Variants in CCSER2 observed in about 807,000 individuals in gnomAD.
CCSER2 encodes serine-rich coiled-coil domain-containing protein 2.
CCSER2 carries 46 observed loss-of-function variants against 92.3 expected under a neutral mutation model. The observed-to-expected ratio is 0.50, with a 90% CI of 0.39 to 0.64. The LOEUF is 0.64. CCSER2 is among the 30% of genes least tolerant of loss of function. The pLI, the probability that CCSER2 is intolerant of heterozygous loss-of-function variation, is 0.00. For synonymous variants in CCSER2, 433 were observed against 431.4 expected, an observed-to-expected ratio of 1.00 and a Z score of -0.04; for missense variants, 1,244 against 1,238.9, an observed-to-expected ratio of 1.00 and a Z score of -0.06.
At chr10:84,332,436 A>ATATATTTT (rs1401635246) in intron 1 of CCSER2, among the ~76,000 whole-genome samples, 58 of 55,208 alleles carry the variant, frequency 1.1e-3, no homozygotes, top group East Asian at 3.8e-3. Flanking sequence ...ATATATATAT[A>ATATATTTT]TTTTTTTTTT....
chr10:84,509,057 T>C (rs1327742300), intron 9 of CCSER2, among the ~76,000 whole-genome samples: 7 of 152,234 alleles, frequency 4.6e-5, no homozygotes, highest in Non-Finnish European at 5.9e-5. Context: ...GAGGTACTTA[T>C]GTATAACATG....
intron 3 of CCSER2, among the ~76,000 whole-genome samples, chr10:84,400,344 G>GT (rs1842053830): frequency 6.6e-6 from 1 of 151,986 alleles, no homozygotes; most frequent in African/African-American, 2.4e-5. Context: ...GTTTCGTTTT[G>GT]TTTTTTAAAA....
intron 9 of CCSER2, among the ~76,000 whole-genome samples, chr10:84,505,931 AAT>A (rs1849016708): frequency 1.3e-5 from 2 of 152,050 alleles, no homozygotes; most frequent in African/African-American, 4.8e-5. Context: ...ACTCTGGATA[AAT>A]ATACTGTGTC....
chr10:84,396,382 T>C (rs1692310497), intron 3 of CCSER2, among the ~76,000 whole-genome samples: 1 of 151,630 alleles, frequency 6.6e-6, no homozygotes, highest in Non-Finnish European at 1.5e-5. Flanking sequence ...AATATTTGTT[T>C]AGCATTTTTT....
chr10:84,354,449 T>A (rs555196015), intron 1 of CCSER2, among the ~76,000 whole-genome samples: 1 of 152,284 alleles, frequency 6.6e-6, no homozygotes, highest in East Asian at 1.9e-4. Context: ...ATATGTGGAA[T>A]TTGACACTAC....
intron 1 of CCSER2, among the ~76,000 whole-genome samples, chr10:84,355,155 G>T (rs1306988533): frequency 6.6e-6 from 1 of 151,800 alleles, no homozygotes; most frequent in Non-Finnish European, 1.5e-5. Flanking sequence ...CAAAATTCAG[G>T]TCAGATCTTT....
chr10:84,394,385 ATGTGTGTGTGTGTGTGTGTG>A (rs60891669), intron 3 of CCSER2, among the ~76,000 whole-genome samples: 2 of 132,600 alleles, frequency 1.5e-5, no homozygotes, highest in Non-Finnish European at 3.1e-5. Flanking sequence ...AAAGGAAAGT[ATGTGTGTGTGTGTGTGTGTG>A]TGTGTGTGTG....
intron 9 of CCSER2, among the ~76,000 whole-genome samples, chr10:84,485,413 A>C (rs1847746511): frequency 6.6e-6 from 1 of 152,166 alleles, no homozygotes; most frequent in Admixed American, 6.5e-5. Flanking sequence ...TAACCACTAA[A>C]ACTGTTTTAC....
chr10:84,480,256 C>T (rs1847382260), intron 9 of CCSER2, among the ~76,000 whole-genome samples: 1 of 151,992 alleles, frequency 6.6e-6, no homozygotes, highest in South Asian at 2.1e-4. Flanking sequence ...CTCCTGGGCT[C>T]AGGTGATCTT....
At chr10:84,426,334 A>G (rs1305925443) in intron 5 of CCSER2, among the ~76,000 whole-genome samples, 1 of 152,182 alleles carries the variant, frequency 6.6e-6, no homozygotes. Context: ...TGCTGAAGGT[A>G]CTATTTAGTC....
chr10:84,446,034 T>C (rs541661257), intron 6 of CCSER2, among the ~76,000 whole-genome samples: 64 of 152,002 alleles, frequency 4.2e-4, no homozygotes, highest in Non-Finnish European at 1.6e-4. Flanking sequence ...TACAAAGGTT[T>C]TCTAAAGTAG....
At chr10:84,339,096 A>T (rs1217868262) in intron 1 of CCSER2, among the ~76,000 whole-genome samples, 16 of 149,604 alleles carry the variant, frequency 1.1e-4, no homozygotes, top group Admixed American at 1.1e-3. Context: ...ACAGAAGTTA[A>T]TTTTTTCTTT....
chr10:84,375,811 C>T, intron 3 of CCSER2, among the ~76,000 whole-genome samples: 1 of 148,656 alleles, frequency 6.7e-6, no homozygotes, highest in African/African-American at 2.5e-5. Context: ...TTTACTCTGC[C>T]ATCTTATTAT....
intron 3 of CCSER2, among the ~76,000 whole-genome samples, chr10:84,414,744 C>G (rs1368400472): frequency 6.6e-6 from 1 of 152,112 alleles, no homozygotes; most frequent in Non-Finnish European, 1.5e-5. Flanking sequence ...GTATGTTTCC[C>G]AAGTTGGTTC....
intron 1 of CCSER2, among the ~76,000 whole-genome samples, chr10:84,348,266 C>T (rs888269210): frequency 8.5e-5 from 13 of 152,242 alleles, no homozygotes; most frequent in African/African-American, 3.1e-4. Context: ...GCCCGGCCAA[C>T]ACAGCGAAAC....
At chr10:84,347,664 G>A (rs1844592840) in intron 1 of CCSER2, among the ~76,000 whole-genome samples, 1 of 151,954 alleles carries the variant, frequency 6.6e-6, no homozygotes, top group African/African-American at 2.4e-5. Context: ...TCCCAGACGG[G>A]CGGCTGCCGG....
At chr10:84,382,570 A>G (rs1401264304) in intron 3 of CCSER2, among the ~76,000 whole-genome samples, 1 of 152,218 alleles carries the variant, frequency 6.6e-6, no homozygotes, top group African/African-American at 2.4e-5. Context: ...CTTTGCAGCA[A>G]TGCTAGGACA....
chr10:84,336,245 A>G lies in CCSER2; in HGVS notation c.-40+7437A>G, dbSNP rs143270953. On this transcript the variant is annotated intron_variant, in intron 1 of 9. Coordinates refer to ENST00000372088, the MANE Select transcript of CCSER2 (RefSeq NM_001284240.2). ...TTCTCAGTCTGGATTTTTCTCATTC[A>G]TTCATTCAAGAAATGTATTCCGAGC... is the stretch of plus-strand genomic sequence containing the variant. Among the ~76,000 whole-genome samples the G allele has an allele frequency of 1.5e-3, 228 of 152,272 alleles. 1 individual carries two copies. The highest frequency in any genetic ancestry group is 5.3e-3 in the African/African-American group (221 of 41,544).
At chr10:84,471,503 G>A (rs1846798890) in intron 8 of CCSER2, among the ~76,000 whole-genome samples, 1 of 152,064 alleles carries the variant, frequency 6.6e-6, no homozygotes, top group Non-Finnish European at 1.5e-5. Context: ...ATTCAGAAAA[G>A]AGGTTATGAA....
Sources: allele counts gnomAD v4.1 joint callset (sites outside exome capture counted in the v4.1 genomes callset), GRCh38; gene constraint gnomAD v4.1.1; transcripts MANE v1.5; gene names NCBI Gene and HGNC (gene_info 2026-07-23, HGNC 2026-07-21).